Variants in SH3GL1 observed in about 807,000 individuals in gnomAD.
The protein encoded by SH3GL1 is endophilin-A2.
Under a neutral mutation model 48.8 loss-of-function variants are expected in SH3GL1, and 21 were observed. The ratio of observed to expected loss-of-function variants is 0.43; its 90% CI spans 0.30 to 0.62. The LOEUF (loss-of-function observed/expected upper bound fraction) is 0.62, where lower values mean the gene tolerates loss of function less well. Among genes scored for constraint, SH3GL1 ranks in the 20% least tolerant of loss-of-function variants. SH3GL1 has a pLI of 0.11. For missense variants in SH3GL1, 454 were observed against 503.0 expected, an observed-to-expected ratio of 0.90 and a Z score of 0.93; for synonymous variants, 282 against 217.5, an observed-to-expected ratio of 1.30 and a Z score of -2.61.
rs1035155255 is a variant in SH3GL1, at chr19:4,376,529, T to A, written c.46-9535A>T. Among the ~76,000 whole-genome samples the A allele has an allele frequency of 2.6e-5, 4 of 152,074 alleles. No homozygotes were observed. The highest frequency in any genetic ancestry group is 9.7e-5 in the African/African-American group (4 of 41,420). On this transcript the variant is annotated intron_variant, in intron 1 of 9. Coordinates refer to ENST00000269886, the MANE Select transcript of SH3GL1 (RefSeq NM_003025.4). The surrounding 1 kb of genome is among the most constrained non-coding windows in gnomAD (Gnocchi z 4.3). ...TCCCACAGGAAGCTCTCCTGATTGA[T>A]CCCCATCACTGGTCTCCTCACCTTC...
chr19:4,366,173 A>G (rs1180688598), intron 3 of SH3GL1, among the ~76,000 whole-genome samples: 1 of 152,194 alleles, frequency 6.6e-6, no homozygotes, highest in Non-Finnish European at 1.5e-5. Flanking sequence ...GGCCAGGGGC[A>G]CTGGGGAGGG....
At position 4,362,429 on chromosome 19, in the gene SH3GL1, G is replaced by A. The variant is rs184880962; in HGVS notation, c.854-44C>T. On this transcript the variant is annotated intron_variant, in intron 8 of 9. Transcript: ENST00000269886. ...AGGAGGCTGTGGGCTCAAAACGGTCGGGCAGGGCCCCTTCTGCAGAAGGCT... is the reference window on the plus strand; with the variant it reads ...AGGAGGCTGTGGGCTCAAAACGGTCAGGCAGGGCCCCTTCTGCAGAAGGCT... 134 of 1,592,080 alleles carry A rather than the reference G, an allele frequency of 8.4e-5. 1 individual carries two copies. In the Admixed American group the frequency reaches 1.4e-3, roughly 17 times the overall value.
chr19:4,399,472 G>A (rs1194414779), intron 1 of SH3GL1, among the ~76,000 whole-genome samples: 2 of 151,908 alleles, frequency 1.3e-5, no homozygotes, highest in East Asian at 1.9e-4. Flanking sequence ...AAGAAGGAAG[G>A]AAGGAACGAA....
intron 1 of SH3GL1, among the ~76,000 whole-genome samples, chr19:4,369,314 G>GC (rs1203419237): frequency 6.6e-6 from 1 of 152,270 alleles, no homozygotes; most frequent in African/African-American, 2.4e-5. Flanking sequence ...CGTGCTCAGA[G>GC]CCAGCGGCTG....
At chr19:4,382,258 T>TC (rs1776848230) in intron 1 of SH3GL1, among the ~76,000 whole-genome samples, 2 of 140,274 alleles carry the variant, frequency 1.4e-5, no homozygotes, top group Admixed American at 7.0e-5. Flanking sequence ...GCTTTCTTTT[T>TC]TTTTTTTTTT....
intron 1 of SH3GL1, among the ~76,000 whole-genome samples, chr19:4,368,624 C>T (rs533743503): frequency 8.5e-5 from 13 of 152,350 alleles, no homozygotes; most frequent in Admixed American, 2.6e-4. Context: ...TCCTCACCCA[C>T]GCATCGGGAC....
chr19:4,398,519 G>A (rs1973462887), intron 1 of SH3GL1, among the ~76,000 whole-genome samples: 1 of 151,866 alleles, frequency 6.6e-6, no homozygotes, highest in African/African-American at 2.4e-5. Context: ...AGTAGCTGGG[G>A]TTACAGGCAA....
Position 4,367,025 on chromosome 19 carries a change from G to A in SH3GL1, c.46-31C>T, listed in dbSNP as rs756875996. 3.1e-6 allele frequency: 5 copies of A among 1,605,688 alleles called. No homozygotes were observed. The African/African-American group carries it at 4.0e-5, about 13-fold the overall frequency. On this transcript the variant is annotated intron_variant, in intron 1 of 9. Coordinates refer to ENST00000269886, the MANE Select transcript of SH3GL1 (RefSeq NM_003025.4). This position sits in a 1 kb window ranked among gnomAD's most constrained non-coding sequence, Gnocchi z 4.2. Reference sequence around the variant, plus strand: ...GGACAGAAGAGGGGAAACGCTGTGAGCCCAGGGGTAGGAGGAAGAAGAGGA... The same window carrying A: ...GGACAGAAGAGGGGAAACGCTGTGAACCCAGGGGTAGGAGGAAGAAGAGGA...
chr19:4,364,024 G>A (rs1371710922), intron 5 of SH3GL1, 64 bp downstream of exon 5: 2 of 1,607,312 alleles, frequency 1.2e-6, no homozygotes, highest in Non-Finnish European at 1.7e-6. Flanking sequence ...GAGGGTGGCA[G>A]GAATGGGGCT....
Position 4,361,592 on chromosome 19 carries a change from C to T in SH3GL1, c.*8G>A, listed in dbSNP as rs532503422. 110 of 1,585,792 alleles carry T rather than the reference C, an allele frequency of 6.9e-5. No individual in the cohort carries two copies. Among genetic ancestry groups the T allele is most frequent in the East Asian group, 2.7e-4 (12 of 44,590 alleles). On this transcript the variant is annotated 3_prime_UTR_variant, in exon 10 of 10. Coordinates refer to ENST00000269886, the MANE Select transcript of SH3GL1 (RefSeq NM_003025.4). ...TGGACGGAGGGGCGGGGCGGGGACA[C>T]GGGTGAGTCACTGCGGCAGGGGCAC...
chr19:4,385,699 G>A (rs991164286), intron 1 of SH3GL1, among the ~76,000 whole-genome samples: 1 of 152,224 alleles, frequency 6.6e-6, no homozygotes, highest in Admixed American at 6.5e-5. Context: ...AGTGCTCTGG[G>A]GCTAGCCGGG....
Position 4,361,223 on chromosome 19 carries a change from C to G in SH3GL1, c.*377G>C, listed in dbSNP as rs1972599933. 3.2e-6 allele frequency: 1 copy of G among 312,022 alleles called. No individual in the cohort carries two copies. Among genetic ancestry groups the G allele is most frequent in the South Asian group, 5.8e-5 (1 of 17,182 alleles). The allele number at this position is 312,022 out of a possible 1,614,324, so 19.3% of individuals were successfully genotyped here. The stretch of plus-strand genomic sequence containing the variant: ...CTCGAGGGTAGGCAGTGGGCCGGGC[C>G]CCCGTCGGGTCAGGACGGAGGTGGG... On this transcript the variant is annotated 3_prime_UTR_variant, in exon 10 of 10. Coordinates refer to ENST00000269886, the MANE Select transcript of SH3GL1 (RefSeq NM_003025.4).
In SH3GL1 at chr19:4,400,523, C is replaced by T. The variant is rs1434513467; in HGVS notation, c.-155G>A. ...CCGCCCCGGCGCCGCCTCAGCCGCT[C>T]GCGCGCCCGCGCGGCCAGGATATTA... On this transcript the variant is annotated 5_prime_UTR_variant, in exon 1 of 10. Transcript: ENST00000269886. The surrounding 1 kb of genome is among the most constrained non-coding windows in gnomAD (Gnocchi z 4.1). 10 of 434,134 alleles carry T rather than the reference C, an allele frequency of 2.3e-5. No homozygotes were observed. Among genetic ancestry groups the T allele is most frequent in the South Asian group, 9.1e-5 (1 of 10,986 alleles). The allele number at this position is 434,134 out of a possible 1,614,324, so 26.9% of individuals were successfully genotyped here.
rs372283407 is a variant in SH3GL1 at position 4,366,807 on chromosome 19, C to T, written c.114+119G>A. The T allele has an allele frequency of 1.7e-5, 18 of 1,060,812 alleles. No homozygotes were observed. The East Asian group carries it at 1.9e-4, about 11-fold the overall frequency. 65.7% of individuals were successfully genotyped at this position (1,060,812 alleles called of 1,614,324 possible). ...CCCACACCACCCCATCTCTCCACAC[C>T]TGCCGGGCCCCATCACTCCAGACCC... On this transcript the variant is annotated intron_variant, in intron 2 of 9. Transcript: ENST00000269886.
intron 1 of SH3GL1, among the ~76,000 whole-genome samples, chr19:4,382,320 C>T (rs1002974248): frequency 9.2e-5 from 13 of 141,096 alleles, no homozygotes; most frequent in African/African-American, 5.3e-5. Flanking sequence ...TGCAGTGGCG[C>T]GATCTCGGCT....
At chr19:4,375,915 G>C (rs1972999232) in intron 1 of SH3GL1, among the ~76,000 whole-genome samples, 1 of 152,242 alleles carries the variant, frequency 6.6e-6, no homozygotes, top group African/African-American at 2.4e-5. Flanking sequence ...AGGGGGCAGA[G>C]TGTGATGACA....
At chr19:4,394,312 C>A (rs1366180055) in intron 1 of SH3GL1, among the ~76,000 whole-genome samples, 8 of 152,082 alleles carry the variant, frequency 5.3e-5, no homozygotes, top group African/African-American at 1.9e-4. Flanking sequence ...CTCTCGCTAG[C>A]GGCATTCTTT....
chr19:4,391,868 G>A (rs1254942022), intron 1 of SH3GL1, among the ~76,000 whole-genome samples: 3 of 152,332 alleles, frequency 2.0e-5, no homozygotes, highest in East Asian at 1.9e-4. Flanking sequence ...CAGGGTCCAC[G>A]CCGCCGGCTC....
chr19:4,379,826 T>G (rs577585242), intron 1 of SH3GL1, among the ~76,000 whole-genome samples: 35 of 152,154 alleles, frequency 2.3e-4, no homozygotes, highest in Non-Finnish European at 4.7e-4. Flanking sequence ...GCCTTGTGCT[T>G]ACTTGTATTT....
Sources: allele counts gnomAD v4.1 joint callset (sites outside exome capture counted in the v4.1 genomes callset), GRCh38; gene constraint gnomAD v4.1.1; non-coding constraint Gnocchi (gnomAD v3.1); transcripts MANE v1.5; gene names NCBI Gene and HGNC (gene_info 2026-07-23, HGNC 2026-07-21).